MCF2L2: variants seen among roughly 807,000 people sequenced by gnomAD.
MCF2L2 encodes probable guanine nucleotide exchange factor MCF2L2.
MCF2L2 carries 102 observed loss-of-function variants against 150.2 expected under a neutral mutation model. That is an observed-to-expected ratio of 0.68 (90% CI 0.58 to 0.80). The LOEUF (loss-of-function observed/expected upper bound fraction) is 0.80. Among genes scored for constraint, MCF2L2 ranks in the 30% least tolerant of loss-of-function variants. The pLI, the probability that MCF2L2 is intolerant of heterozygous loss-of-function variation, is 0.00. For missense variants in MCF2L2, 1,256 were observed against 1,372.8 expected, an observed-to-expected ratio of 0.91 and a Z score of 1.34; for synonymous variants, 465 against 491.3, an observed-to-expected ratio of 0.95 and a Z score of 0.71.
chr3:183,407,059 A>G (rs1227709461), intron 1 of MCF2L2, among the ~76,000 whole-genome samples: 1 of 152,192 alleles, frequency 6.6e-6, no homozygotes, highest in Non-Finnish European at 1.5e-5. Context: ...ATAAGGATTC[A>G]ATTGTTTTGC....
intron 3 of MCF2L2, chr3:183,377,199 G>A (rs982633480): frequency 6.6e-6 from 1 of 151,930 alleles, no homozygotes; most frequent in African/African-American, 2.4e-5. Context: ...CCTCGTCCCC[G>A]ACCCTCCAAC....
At chr3:183,299,356 G>A (rs1728722030) in intron 11 of MCF2L2, 1 of 152,310 alleles carries the variant, frequency 6.6e-6, no homozygotes, top group African/African-American at 2.4e-5. Flanking sequence ...CAGTATTCCA[G>A]ACCTATCGAC....
chr3:183,291,825 G>A (rs1220098442), intron 13 of MCF2L2, among the ~76,000 whole-genome samples: 2 of 152,238 alleles, frequency 1.3e-5, no homozygotes, highest in Admixed American at 1.3e-4. Context: ...CTGGGAAGGA[G>A]TGTTATCTAT....
At chr3:183,422,389 C>T (rs566622565) in intron 1 of MCF2L2, among the ~76,000 whole-genome samples, 1 of 152,322 alleles carries the variant, frequency 6.6e-6, no homozygotes, top group East Asian at 1.9e-4. Flanking sequence ...AAAATCTCAG[C>T]CAGGGCAGTA....
chr3:183,396,188 C>T (rs1189394432), intron 1 of MCF2L2, among the ~76,000 whole-genome samples: 2 of 152,010 alleles, frequency 1.3e-5, no homozygotes, highest in Non-Finnish European at 2.9e-5. Context: ...AAATACTCCA[C>T]AGCTCTTGGT....
intron 2 of MCF2L2, 21 bp from the exon 3 acceptor site, chr3:183,379,432 CA>C: frequency 6.4e-7 from 1 of 1,565,602 alleles, no homozygotes; most frequent in Non-Finnish European, 8.8e-7. Flanking sequence ...AACAGGTGGT[CA>C]AAATGTTAGC....
At chr3:183,311,600 G>A (rs1215063382) in intron 8 of MCF2L2, 48 bp downstream of exon 8, 2 of 1,606,572 alleles carry the variant, frequency 1.2e-6, no homozygotes, top group Non-Finnish European at 1.7e-6. Context: ...GAACATCTAG[G>A]TCTACATATT....
At chr3:183,224,427 C>T in intron 18 of MCF2L2, 1 of 437,850 alleles carries the variant, frequency 2.3e-6, no homozygotes, top group Non-Finnish European at 4.1e-6. Flanking sequence ...GGAGCATCTA[C>T]AAGGGCTATT....
At chr3:183,205,735 T>A in intron 25 of MCF2L2, 141 bp downstream of exon 25, 1 of 640,098 alleles carries the variant, frequency 1.6e-6, no homozygotes, top group South Asian at 1.9e-5. Flanking sequence ...CAAGCATAGG[T>A]GCTTCCAGGG....
In MCF2L2 at chr3:183,224,171, T is replaced by G. The variant is rs1560352023; in HGVS notation, c.2135A>C (p.Tyr712Ser). Reference protein sequence around the residue: ...FLKRKEDLQIYFKYHKNLPRA... With the variant: ...FLKRKEDLQISFKYHKNLPRA... ...GGGCAGATTCTTATGGTATTTAAAATATATCTGAAGATCTTCTTTCTAGGT... is the reference window on the plus strand; with the variant it reads ...GGGCAGATTCTTATGGTATTTAAAAGATATCTGAAGATCTTCTTTCTAGGT... Residue 712 changes from tyrosine to serine, a missense_variant, in exon 19 of 30, where the codon TAT (tyrosine) becomes TCT (serine). Transcript: ENST00000328913. 2 of 1,613,148 alleles carry G rather than the reference T, an allele frequency of 1.2e-6. No individual in the cohort carries two copies. Among genetic ancestry groups the G allele is most frequent in the Non-Finnish European group, 1.7e-6 (2 of 1,179,114 alleles).
Position 183,270,042 on chromosome 3 carries a change from A to G in MCF2L2, c.1862+6830T>C, listed in dbSNP as rs1161882168. 2 of 1,614,188 alleles carry G rather than the reference A, an allele frequency of 1.2e-6. No individual in the cohort carries two copies. On this transcript the variant is annotated intron_variant, in intron 15 of 29. Coordinates refer to ENST00000328913, the MANE Select transcript of MCF2L2 (RefSeq NM_015078.4). The surrounding 1 kb of genome is among the most constrained non-coding windows in gnomAD (Gnocchi z 4.5). The stretch of plus-strand genomic sequence containing the variant: ...CCAATACTTGATTAACCACAAGGAA[A>G]AGTGTCAAGCTCAAGACGTCCTCCT...
intron 3 of MCF2L2, among the ~76,000 whole-genome samples, chr3:183,371,463 GCC>G (rs1712872638): frequency 7.1e-6 from 1 of 141,408 alleles, no homozygotes; most frequent in Admixed American, 7.0e-5. Flanking sequence ...TCTCTGAGAA[GCC>G]TTTTTTTTTT....
At chr3:183,343,694 A>G (rs1051072612) in intron 3 of MCF2L2, among the ~76,000 whole-genome samples, 1 of 152,178 alleles carries the variant, frequency 6.6e-6, no homozygotes, top group Non-Finnish European at 1.5e-5. Flanking sequence ...AATCTGCAAG[A>G]AGAAATAGAG....
At chr3:183,358,849 CCCT>C (rs1217081293) in intron 3 of MCF2L2, among the ~76,000 whole-genome samples, 2 of 151,954 alleles carry the variant, frequency 1.3e-5, no homozygotes, top group Non-Finnish European at 2.9e-5. Flanking sequence ...GGTCTTGAAC[CCCT>C]CAAGTAATCC....
At chr3:183,300,703 T>C (rs756989705) in intron 10 of MCF2L2, among the ~76,000 whole-genome samples, 1 of 151,920 alleles carries the variant, frequency 6.6e-6, no homozygotes, top group Non-Finnish European at 1.5e-5. Context: ...AACTCAAAGG[T>C]GGTCATGACA....
In MCF2L2 at chr3:183,375,076, A is replaced by T. The variant is rs1293178477; in HGVS notation, c.275+4221T>A. 2.0e-5 allele frequency: 3 copies of T among 151,870 alleles called. No homozygotes were observed. In the East Asian group the frequency reaches 5.8e-4, roughly 29 times the overall value. 9.4% of individuals were successfully genotyped at this position (151,870 alleles called of 1,614,324 possible). A position where few individuals can be genotyped will look rare whatever the true frequency, so the allele number is the denominator to read the frequency against. On this transcript the variant is annotated intron_variant, in intron 3 of 29. Coordinates refer to ENST00000328913, the MANE Select transcript of MCF2L2 (RefSeq NM_015078.4). ...CCATAACAATATATGTTTTCAAAAAATTATAGTTATGCTTTGATGTTCTCA... is the reference window on the plus strand; with the variant it reads ...CCATAACAATATATGTTTTCAAAAATTTATAGTTATGCTTTGATGTTCTCA...
At position 183,351,206 on chromosome 3, in the gene MCF2L2, A is replaced by G. The variant is rs1185244294; in HGVS notation, c.276-9576T>C. On this transcript the variant is annotated intron_variant, in intron 3 of 29. Transcript: ENST00000328913. Reference sequence around the variant, plus strand: ...TTTTCTTAAGTATATATATATATATATATATATATATATATATATATATAT... The same window carrying G: ...TTTTCTTAAGTATATATATATATATGTATATATATATATATATATATATAT... Among the ~76,000 whole-genome samples, 4 of 75,210 alleles carry G rather than the reference A, an allele frequency of 5.3e-5. 1 individual carries two copies. Among genetic ancestry groups the G allele is most frequent in the African/African-American group, 2.7e-4 (4 of 15,050 alleles). 49.3% of individuals were successfully genotyped at this position (75,210 alleles called of 152,430 possible).
chr3:183,273,110 T>G (rs1726925416), intron 15 of MCF2L2: 1 of 1,117,432 alleles, frequency 8.9e-7, no homozygotes, highest in Non-Finnish European at 1.2e-6. Context: ...AGGAAAAAAC[T>G]TTTTGGTGCT....
chr3:183,286,674 T>C (rs1727813618), intron 14 of MCF2L2, among the ~76,000 whole-genome samples: 1 of 152,248 alleles, frequency 6.6e-6, no homozygotes, highest in Non-Finnish European at 1.5e-5. Flanking sequence ...AAGTCTAGGA[T>C]TTGGGGATTT....
Sources: allele counts gnomAD v4.1 joint callset (sites outside exome capture counted in the v4.1 genomes callset), GRCh38; gene constraint gnomAD v4.1.1; non-coding constraint Gnocchi (gnomAD v3.1); transcripts MANE v1.5; gene names NCBI Gene and HGNC (gene_info 2026-07-23, HGNC 2026-07-21).